The following MX2 variants were observed in gnomAD, a reference collection of about 807,000 sequenced individuals.
MX2 encodes interferon-induced GTP-binding protein Mx2.
A neutral mutation model predicts 74.0 loss-of-function variants in MX2; 51 were observed. The observed-to-expected ratio is 0.69, with a 90% confidence interval of 0.55 to 0.87. The LOEUF is 0.87. MX2 is among the 40% of genes least tolerant of loss of function. The pLI, the probability that MX2 is intolerant of heterozygous loss-of-function variation, is 0.00. For missense variants in MX2, 832 were observed against 908.7 expected (o/e 0.92, Z 1.09); for synonymous variants, 369 against 339.3 (o/e 1.09, Z -0.96).
At position 41,380,110 on chromosome 21, in the gene MX2, A is replaced by C; in HGVS notation, c.536A>C (p.Glu179Ala). The change falls in exon 4 of 14, where the codon GAG becomes GCG. Residue 179 changes from glutamate to alanine, a missense_variant. Physicochemically the swap from Glu to Ala is moderately radical, Grantham distance 107. Coordinates refer to ENST00000330714, the MANE Select transcript of MX2 (RefSeq NM_002463.2). The surrounding 1 kb of genome is among the most constrained non-coding windows in gnomAD (Gnocchi z 4.3). Reference sequence around the variant, plus strand: ...ATCAGCTACCGGAACACCGAGCTAGAGCTTCAGGACCCTGGCCAGGTGGAG... The same window carrying C: ...ATCAGCTACCGGAACACCGAGCTAGCGCTTCAGGACCCTGGCCAGGTGGAG... ...GRISYRNTELELQDPGQVEKE... is the reference protein window; with the variant it reads ...GRISYRNTELALQDPGQVEKE... 1 of 1,613,954 alleles carries C rather than the reference A, an allele frequency of 6.2e-7. No individual in the cohort carries two copies. The highest frequency in any genetic ancestry group is 8.5e-7 in the Non-Finnish European group (1 of 1,179,830).
chr21:41,385,795 A>G (rs1020844452), intron 5 of MX2, among the ~76,000 whole-genome samples: 3 of 152,284 alleles, frequency 2.0e-5, no homozygotes, highest in Non-Finnish European at 4.4e-5. Context: ...GGCCTGCTCC[A>G]TAGCACCCCA....
chr21:41,403,568 C>T (rs757203387), intron 12 of MX2: 49 of 734,758 alleles, frequency 6.7e-5, no homozygotes, highest in South Asian at 1.5e-4. Flanking sequence ...AAATGAAATG[C>T]GGCCCGTGCC....
At chr21:41,386,127 G>A (rs1172025215) in intron 5 of MX2, among the ~76,000 whole-genome samples, 1 of 144,282 alleles carries the variant, frequency 6.9e-6, no homozygotes, top group Non-Finnish European at 1.5e-5. Flanking sequence ...GGCTGAGGCA[G>A]GAGAATCACT....
At chr21:41,404,609 A>G (rs938454980) in intron 12 of MX2, 2 of 152,228 alleles carry the variant, frequency 1.3e-5, no homozygotes, top group Non-Finnish European at 2.9e-5. Context: ...GCAATGAGGC[A>G]ATGAGGCAGA....
chr21:41,393,110 C>T (rs139464333), intron 6 of MX2, among the ~76,000 whole-genome samples: 92 of 60,094 alleles, frequency 1.5e-3, no homozygotes, highest in Admixed American at 8.3e-3. Flanking sequence ...CTCAAAAAAG[C>T]AAAAAAAAAA....
At chr21:41,405,204 A>G (rs1238201677) in intron 12 of MX2, among the ~76,000 whole-genome samples, 1 of 151,936 alleles carries the variant, frequency 6.6e-6, no homozygotes, top group East Asian at 1.9e-4. Flanking sequence ...GGTTGCAGTC[A>G]GTCGAGATTG....
chr21:41,376,561 ACAACTAC>A (rs1308225756), intron 1 of MX2, among the ~76,000 whole-genome samples: 1 of 152,036 alleles, frequency 6.6e-6, no homozygotes, highest in Non-Finnish European at 1.5e-5. Context: ...AACAACAACA[ACAACTAC>A]AAGTAGCAAA....
rs2089296473 is a variant in MX2, at chr21:41,369,467, C to T, written c.-71-7369C>T. Among the ~76,000 whole-genome samples, 4 of 152,264 alleles carry T rather than the reference C, an allele frequency of 2.6e-5. No homozygotes were observed. The South Asian group carries it at 8.3e-4, about 32-fold the overall frequency. ...AGATTCCACTGCAGAGAGGGCAGTCCAGGTCATCACAGGGTGACATCTGGG... is the reference window on the plus strand; with the variant it reads ...AGATTCCACTGCAGAGAGGGCAGTCTAGGTCATCACAGGGTGACATCTGGG... On this transcript the variant is annotated intron_variant, in intron 1 of 13. Transcript: ENST00000330714.
chr21:41,403,597 G>A lies in MX2; in HGVS notation c.1650+254G>A, dbSNP rs58724505. 246 of 707,402 alleles carry A rather than the reference G, an allele frequency of 3.5e-4. 2 individuals are homozygous for A. In the African/African-American group the frequency reaches 3.7e-3, roughly 11 times the overall value. The allele number at this position is 707,402 out of a possible 1,614,324, so 43.8% of individuals were successfully genotyped here. On this transcript the variant is annotated intron_variant, in intron 12 of 13. Coordinates refer to ENST00000330714, the MANE Select transcript of MX2 (RefSeq NM_002463.2). ...CCGTGCCCTGCCATCTGTTCTGCAC[G>A]ACCTTACGCAGGATGTGGGGCTCCA...
At chr21:41,381,028 A>T (rs2089483068) in intron 4 of MX2, among the ~76,000 whole-genome samples, 1 of 152,214 alleles carries the variant, frequency 6.6e-6, no homozygotes, top group African/African-American at 2.4e-5. Context: ...GGGGCCCTTT[A>T]GACGACCCTG....
rs766187586 is a variant in MX2, at chr21:41,395,600, A to G, written c.885A>G (p.Lys295=). Residue 295 remains lysine (K), a synonymous_variant, in exon 7 of 14, where the codon AAA becomes AAG. Coordinates refer to ENST00000330714, the MANE Select transcript of MX2 (RefSeq NM_002463.2). ...EGDRTIGILT[K]PDLMDRGTEK... is the part of the protein sequence containing the mutation. ...ACCATCTCACAGGTATCCTGACCAA[A>G]CCAGATCTAATGGACAGGGGCACTG... 28 of 1,613,984 alleles carry G rather than the reference A, an allele frequency of 1.7e-5. No homozygotes were observed. Among genetic ancestry groups the G allele is most frequent in the Non-Finnish European group, 2.2e-5 (26 of 1,180,026 alleles).
In MX2 at chr21:41,377,160, G is replaced by T; in HGVS notation, c.249+5G>T. ...AGGAGCCAACCAAGGGCAATGGTAA[G>T]CCCGGTGGAGGGACGTTCAGAAAGG... On this transcript the variant is annotated splice_donor_5th_base_variant and intron_variant, in intron 2 of 13. Coordinates refer to ENST00000330714, the MANE Select transcript of MX2 (RefSeq NM_002463.2). 2 of 1,613,628 alleles carry T rather than the reference G, an allele frequency of 1.2e-6. No homozygotes were observed. The highest frequency in any genetic ancestry group is 1.7e-6 in the Non-Finnish European group (2 of 1,179,624).
At chr21:41,386,002 A>C (rs1448757014) in intron 5 of MX2, among the ~76,000 whole-genome samples, 1 of 152,090 alleles carries the variant, frequency 6.6e-6, no homozygotes, top group Non-Finnish European at 1.5e-5. Flanking sequence ...GTTAAAAAAA[A>C]TACAAATAAA....
chr21:41,403,572 C>T (rs745728740), intron 12 of MX2: 1 of 733,826 alleles, frequency 1.4e-6, no homozygotes, highest in Admixed American at 1.7e-5. Context: ...GAAATGCGGC[C>T]CGTGCCCTGC....
chr21:41,390,747 T>C (rs563627647), intron 6 of MX2, 44 bp downstream of exon 6: 1 of 1,604,564 alleles, frequency 6.2e-7, no homozygotes, highest in Non-Finnish European at 8.5e-7. Context: ...GGCTCAAGCC[T>C]GTAATCCCAG....
intron 4 of MX2, among the ~76,000 whole-genome samples, chr21:41,381,751 G>A (rs529151781): frequency 6.7e-6 from 1 of 150,360 alleles, no homozygotes; most frequent in African/African-American, 2.4e-5. Context: ...CTTTAGAATA[G>A]CATCTTGGAA....
intron 11 of MX2, 102 bp from the exon 12 acceptor site, chr21:41,403,165 G>C (rs1314128417): frequency 2.7e-5 from 25 of 920,778 alleles, no homozygotes; most frequent in South Asian, 2.9e-5. Context: ...GAATGGGTCA[G>C]TGTATCATCA....
rs758212501 is a variant in MX2 at position 41,377,832 on chromosome 21, G to A, written c.293G>A (p.Arg98His). ...NLYSQYEQKV[R>H]PCIDLIDSLR... ...TACAGCCAGTACGAGCAGAAGGTGC[G>A]CCCCTGCATTGACCTCATCGACTCC... Residue 98 changes from arginine (R) to histidine (H), a missense_variant, in exon 3 of 14, where the codon CGC (arginine) becomes CAC (histidine). Arg to His is a conservative substitution (Grantham distance 29). Coordinates refer to ENST00000330714, the MANE Select transcript of MX2 (RefSeq NM_002463.2). The A allele has an allele frequency of 5.0e-6, 8 of 1,613,950 alleles. No individual in the cohort carries two copies. The highest frequency in any genetic ancestry group is 3.3e-5 in the Admixed American group (2 of 59,992).
chr21:41,376,856 G>A lies in MX2; in HGVS notation c.-51G>A. On this transcript the variant is annotated 5_prime_UTR_variant, in exon 2 of 14. Coordinates refer to ENST00000330714, the MANE Select transcript of MX2 (RefSeq NM_002463.2). Reference sequence around the variant, plus strand: ...TGCAGAGCTTGTCAGGAAGATCGGAGGTGCCAAGTAGCAGAGAAAGCATCC... The same window carrying A: ...TGCAGAGCTTGTCAGGAAGATCGGAAGTGCCAAGTAGCAGAGAAAGCATCC... 3 of 1,600,134 alleles carry A rather than the reference G, an allele frequency of 1.9e-6. No homozygotes were observed. Among genetic ancestry groups the A allele is most frequent in the Non-Finnish European group, 1.7e-6 (2 of 1,172,074 alleles).
Sources: allele counts gnomAD v4.1 joint callset (sites outside exome capture counted in the v4.1 genomes callset), GRCh38; gene constraint gnomAD v4.1.1; non-coding constraint Gnocchi (gnomAD v3.1); transcripts MANE v1.5; gene names NCBI Gene and HGNC (gene_info 2026-07-23, HGNC 2026-07-21).